BBS12: variants seen among roughly 807,000 people sequenced by gnomAD.
BBS12 encodes chaperonin-containing T-complex member BBS12.
In BBS12, 5 loss-of-function variants were observed where a neutral mutation model predicts 5.6. That is an observed-to-expected ratio of 0.89 (90% CI 0.46 to 1.86). BBS12 has a LOEUF of 1.86. Among genes scored for constraint, BBS12 ranks in the 40% most tolerant of loss-of-function variants. The pLI is 0.01. For missense variants in BBS12, 748 were observed against 830.4 expected (o/e 0.90, Z 1.22); for synonymous variants, 308 against 306.8 (o/e 1.00, Z -0.04).
At chr4:122,735,165 C>T (rs1198264639) in intron 1 of BBS12, among the ~76,000 whole-genome samples, 1 of 152,116 alleles carries the variant, frequency 6.6e-6, no homozygotes. Context: ...ACAACTCTAC[C>T]CCAGGGCATT....
chr4:122,712,423 T>C, the BBS12 span, among the ~76,000 whole-genome samples: 1 of 152,244 alleles, frequency 6.6e-6, no homozygotes, highest in Non-Finnish European at 1.5e-5. Flanking sequence ...ATATGAGGCC[T>C]CTTAACAGTG....
chr4:122,744,150 T>C lies in BBS12; in HGVS notation c.*125T>C. ...TGCCAAGAAGAAAATAGTTGATGTCTGTCAATAACTGTGCATGGTCTGAGA... is the reference window on the plus strand; with the variant it reads ...TGCCAAGAAGAAAATAGTTGATGTCCGTCAATAACTGTGCATGGTCTGAGA... On this transcript the variant is annotated 3_prime_UTR_variant, in exon 2 of 2. Coordinates refer to ENST00000314218, the MANE Select transcript of BBS12 (RefSeq NM_152618.3). 1.0e-6 allele frequency: 1 copy of C among 953,810 alleles called. No homozygotes were observed. The highest frequency in any genetic ancestry group is 1.6e-5 in the African/African-American group (1 of 60,702). 59.1% of individuals were successfully genotyped at this position (953,810 alleles called of 1,614,324 possible).
In BBS12 at chr4:122,744,243, G is replaced by A. The variant is rs938533869; in HGVS notation, c.*218G>A. On this transcript the variant is annotated 3_prime_UTR_variant, in exon 2 of 2. Transcript: ENST00000314218. ...TCGTGGGATGCTACAGAATGCATAA[G>A]ACACCTGGGTCAGAAACAAAGGACT... 14 of 541,296 alleles carry A rather than the reference G, an allele frequency of 2.6e-5. No individual in the cohort carries two copies. The highest frequency in any genetic ancestry group is 2.3e-4 in the African/African-American group (12 of 51,844). The allele number at this position is 541,296 out of a possible 1,614,324, so 33.5% of individuals were successfully genotyped here.
At chr4:122,725,614 C>T in the BBS12 span, among the ~76,000 whole-genome samples, 1 of 152,054 alleles carries the variant, frequency 6.6e-6, no homozygotes, top group Admixed American at 6.6e-5. Context: ...AAAATCAACT[C>T]AAGGCCATGT....
intron 1 of BBS12, among the ~76,000 whole-genome samples, chr4:122,739,988 T>C (rs929703425): frequency 6.6e-6 from 1 of 152,154 alleles, no homozygotes; most frequent in Non-Finnish European, 1.5e-5. Context: ...TTAAGAATGC[T>C]GGCTGGGTGT....
the BBS12 span, among the ~76,000 whole-genome samples, chr4:122,704,391 C>T: frequency 1.3e-5 from 2 of 152,164 alleles, no homozygotes; most frequent in Non-Finnish European, 2.9e-5. Flanking sequence ...CAATTGGCTA[C>T]GTTTTGTTAA....
In BBS12 at chr4:122,742,541, A is replaced by G. The variant is rs373704680; in HGVS notation, c.649A>G (p.Lys217Glu). 1.1e-5 allele frequency: 18 copies of G among 1,614,130 alleles called. No homozygotes were observed. Among genetic ancestry groups the G allele is most frequent in the African/African-American group, 1.3e-5 (1 of 74,950 alleles). ...EADNNTSRTL[K>E]NSLLADTCCR... ...AGATAACAACACATCACGAACTCTG[A>G]AAAACAGCCTGCTTGCAGATACCTG... is the stretch of plus-strand genomic sequence containing the variant. Residue 217 changes from lysine (K) to glutamate (E), a missense_variant, in exon 2 of 2, where the codon AAA (lysine) becomes GAA (glutamate). Coordinates refer to ENST00000314218, the MANE Select transcript of BBS12 (RefSeq NM_152618.3).
At chr4:122,735,690 C>T (rs1292465479) in intron 1 of BBS12, among the ~76,000 whole-genome samples, 2 of 152,168 alleles carry the variant, frequency 1.3e-5, no homozygotes, top group South Asian at 2.1e-4. Flanking sequence ...ATTCACTTAC[C>T]AAATATTTAT....
chr4:122,716,723 ATATACACACACACGTGTGTGTG>A, the BBS12 span, among the ~76,000 whole-genome samples: 2 of 73,788 alleles, frequency 2.7e-5, no homozygotes, highest in African/African-American at 1.0e-4. Context: ...ATATGTGTGT[ATATACACACACACGTGTGTGTG>A]TATATATATA....
rs771980986 is a variant in BBS12, at chr4:122,743,887, T to C, written c.1995T>C (p.Val665=). The C allele has an allele frequency of 7.5e-6, 12 of 1,604,642 alleles. No homozygotes were observed. Among genetic ancestry groups the C allele is most frequent in the African/African-American group, 2.7e-5 (2 of 74,402 alleles). Residue 665 remains valine (V), a synonymous_variant, in exon 2 of 2, where the codon GTT becomes GTC. Coordinates refer to ENST00000314218, the MANE Select transcript of BBS12 (RefSeq NM_152618.3). ...AGCAGATTCCGAGAGTTTATGACGT[T>C]GTTACACCAAAGATTGAGGCGTGGC... ...KLEQIPRVYD[V]VTPKIEAWRR... is the part of the protein sequence containing the mutation.
At chr4:122,718,739 G>A in the BBS12 span, among the ~76,000 whole-genome samples, 1 of 151,916 alleles carries the variant, frequency 6.6e-6, no homozygotes, top group African/African-American at 2.4e-5. Flanking sequence ...GAAATGAAAT[G>A]AAATGAAATG....
the BBS12 span, among the ~76,000 whole-genome samples, chr4:122,704,411 G>A: frequency 1.1e-4 from 16 of 152,280 alleles, no homozygotes; most frequent in East Asian, 2.9e-3. Flanking sequence ...AAGACTTACA[G>A]GATCACTGTG....
At position 122,733,966 on chromosome 4, in the gene BBS12, C is replaced by T. The variant is rs375806719; in HGVS notation, c.-11+1082C>T. On this transcript the variant is annotated intron_variant, in intron 1 of 1. Transcript: ENST00000314218. ...GCACTCTGTCAAATCACTTTTCATG[C>T]TTCATTGAGTAGAAACATGGCACAT... 42 of 145,330 alleles carry T rather than the reference C, an allele frequency of 2.9e-4. No individual in the cohort carries two copies. In the East Asian group the frequency reaches 7.8e-3, roughly 27 times the overall value. 9.0% of individuals were successfully genotyped at this position (145,330 alleles called of 1,614,324 possible).
At chr4:122,738,540 GGTCATCAAAA>G (rs1172927021) in intron 1 of BBS12, among the ~76,000 whole-genome samples, 30 of 152,162 alleles carry the variant, frequency 2.0e-4, no homozygotes, top group Admixed American at 1.1e-3. Context: ...AAAAACATTT[GGTCATCAAAA>G]TGCATAATCC....
At chr4:122,710,237 T>C in the BBS12 span, among the ~76,000 whole-genome samples, 1 of 152,170 alleles carries the variant, frequency 6.6e-6, no homozygotes, top group Admixed American at 6.5e-5. Context: ...TGGTAGGTTA[T>C]CCAAAAAAAT....
the BBS12 span, among the ~76,000 whole-genome samples, chr4:122,723,909 G>A: frequency 6.6e-6 from 1 of 152,150 alleles, no homozygotes; most frequent in Non-Finnish European, 1.5e-5. Flanking sequence ...TGTGTGACAA[G>A]CAAATAGTTA....
chr4:122,734,764 A>G (rs145673869), intron 1 of BBS12, among the ~76,000 whole-genome samples: 1 of 152,310 alleles, frequency 6.6e-6, no homozygotes, highest in African/African-American at 2.4e-5. Context: ...TGGAATATTT[A>G]CTGCTAGTTA....
At position 122,743,444 on chromosome 4, in the gene BBS12, A is replaced by G. The variant is rs1800926121; in HGVS notation, c.1552A>G (p.Arg518Gly). The G allele has an allele frequency of 6.2e-7, 1 of 1,614,252 alleles. No individual in the cohort carries two copies. The highest frequency in any genetic ancestry group is 8.5e-7 in the Non-Finnish European group (1 of 1,180,038). ...VTAQMQIKED[R>G]FWTCAYRLYY... The stretch of plus-strand genomic sequence containing the variant: ...TGCACAGATGCAAATCAAAGAAGAT[A>G]GGTTCTGGACATGTGCCTATCGTTT... Residue 518 changes from arginine (R) to glycine (G), a missense_variant, in exon 2 of 2, where the codon AGG (arginine) becomes GGG (glycine). Coordinates refer to ENST00000314218, the MANE Select transcript of BBS12 (RefSeq NM_152618.3).
Position 122,743,159 on chromosome 4 carries a change from A to C in BBS12, c.1267A>C (p.Ile423Leu). ...ACAAGGAAATGTGTCCGAACGCTTAATTGAAAAATGTATAAACAGTAAGCG... is the reference window on the plus strand; with the variant it reads ...ACAAGGAAATGTGTCCGAACGCTTACTTGAAAAATGTATAAACAGTAAGCG... ...LVQGNVSERL[I>L]EKCINSKRLV... Residue 423 changes from isoleucine (I) to leucine (L), a missense_variant, in exon 2 of 2, where the codon ATT becomes CTT. By Grantham distance (5) the Ile-to-Leu change is conservative. Coordinates refer to ENST00000314218, the MANE Select transcript of BBS12 (RefSeq NM_152618.3). The C allele has an allele frequency of 6.2e-7, 1 of 1,614,256 alleles. No individual in the cohort carries two copies. The highest frequency in any genetic ancestry group is 8.5e-7 in the Non-Finnish European group (1 of 1,180,044).
Sources: allele counts gnomAD v4.1 joint callset (sites outside exome capture counted in the v4.1 genomes callset), GRCh38; gene constraint gnomAD v4.1.1; transcripts MANE v1.5; gene names NCBI Gene and HGNC (gene_info 2026-07-23, HGNC 2026-07-21).